Variants in CACNA2D4 observed in about 807,000 individuals in gnomAD.
The protein encoded by CACNA2D4 is calcium voltage-gated channel auxiliary subunit alpha2delta 4, also known as voltage-dependent calcium channel subunit alpha-2/delta-4.
CACNA2D4 carries 157 observed loss-of-function variants against 163.8 expected under a neutral mutation model. The ratio of observed to expected loss-of-function variants is 0.96; its 90% CI spans 0.84 to 1.09. CACNA2D4 has a LOEUF of 1.09. Ranked by LOEUF, CACNA2D4 falls within the 50% of genes least tolerant of loss-of-function variation. The pLI, the probability that CACNA2D4 is intolerant of heterozygous loss-of-function variation, is 0.00. For synonymous variants in CACNA2D4, 598 were observed against 586.9 expected (o/e 1.02, Z -0.27); for missense variants, 1,410 against 1,479.9 (o/e 0.95, Z 0.78).
rs758708819 is a variant in CACNA2D4, at chr12:1,828,246, G to T, written c.2551+12493C>A. 2.0e-6 allele frequency: 3 copies of T among 1,525,682 alleles called. No individual in the cohort carries two copies. The highest frequency in any genetic ancestry group is 2.5e-5 in the East Asian group (1 of 39,660). The allele number at this position is 1,525,682 out of a possible 1,614,324, so 94.5% of individuals were successfully genotyped here. A position where few individuals can be genotyped will look rare whatever the true frequency, so the allele number is the denominator to read the frequency against. On this transcript the variant is annotated intron_variant, in intron 26 of 37. Coordinates refer to ENST00000382722, the MANE Select transcript of CACNA2D4 (RefSeq NM_172364.5). The surrounding 1 kb of genome is among the most constrained non-coding windows in gnomAD (Gnocchi z 4.2). ...TACACCCCTGGCCTCGGAGGGGGGT[G>T]CGGGTTGGGTGGGGGTGCCGAGGTG...
intron 6 of CACNA2D4, among the ~76,000 whole-genome samples, chr12:1,896,110 G>A (rs906954557): frequency 4.6e-5 from 7 of 152,274 alleles, no homozygotes; most frequent in African/African-American, 1.7e-4. Flanking sequence ...AGACTTAAAT[G>A]TAAGTCCCCA....
In CACNA2D4 at chr12:1,833,802, G is replaced by A. The variant is rs897813968; in HGVS notation, c.2551+6937C>T. ...GGTAAGAACCCTAGAAGGATAAGAT[G>A]CTGTGTTGAGAACGGTATCCTGGGC... On this transcript the variant is annotated intron_variant, in intron 26 of 37. Coordinates refer to ENST00000382722, the MANE Select transcript of CACNA2D4 (RefSeq NM_172364.5). The surrounding 1 kb of genome is among the most constrained non-coding windows in gnomAD (Gnocchi z 4.2). Among the ~76,000 whole-genome samples the A allele has an allele frequency of 5.3e-5, 8 of 152,192 alleles. No homozygotes were observed. The highest frequency in any genetic ancestry group is 1.9e-4 in the African/African-American group (8 of 41,426).
chr12:1,797,323 C>T (rs774316394), intron 35 of CACNA2D4, 95 bp downstream of exon 35: 1 of 899,154 alleles, frequency 1.1e-6, no homozygotes, highest in Non-Finnish European at 1.8e-6. Context: ...GCTGTGGAGC[C>T]GTTTCCCGGG....
intron 6 of CACNA2D4, among the ~76,000 whole-genome samples, chr12:1,901,864 T>C (rs1314005460): frequency 1.3e-5 from 2 of 151,982 alleles, no homozygotes; most frequent in Non-Finnish European, 1.5e-5. Context: ...GCCAGCATTA[T>C]CCTGATACTG....
intron 19 of CACNA2D4, among the ~76,000 whole-genome samples, chr12:1,859,796 C>G (rs925037306): frequency 6.6e-6 from 1 of 152,196 alleles, no homozygotes; most frequent in Non-Finnish European, 1.5e-5. Flanking sequence ...TAACCGCCCT[C>G]GGGGAAATGA....
Position 1,834,756 on chromosome 12 carries a change from G to T in CACNA2D4, c.2551+5983C>A. 6.4e-7 allele frequency: 1 copy of T among 1,552,652 alleles called. No homozygotes were observed. Among genetic ancestry groups the T allele is most frequent in the South Asian group, 1.2e-5 (1 of 83,872 alleles). On this transcript the variant is annotated intron_variant, in intron 26 of 37. Coordinates refer to ENST00000382722, the MANE Select transcript of CACNA2D4 (RefSeq NM_172364.5). This position sits in a 1 kb window ranked among gnomAD's most constrained non-coding sequence, Gnocchi z 7.6. ...CCCACCCGGCCAGGTAGGAAGGGCG[G>T]GGAGAGCACACGGCATTGCTCAGCC...
At position 1,879,880 on chromosome 12, in the gene CACNA2D4, A is replaced by G; in HGVS notation, c.1487T>C (p.Leu496Pro). 1.9e-6 allele frequency: 3 copies of G among 1,593,856 alleles called. No homozygotes were observed. Among genetic ancestry groups the G allele is most frequent in the South Asian group, 2.3e-5 (2 of 87,388 alleles). ...CAGGCTCTGAGCCTGCGAGCTGAGGAGCTGTAAGGGAGGGGAGAACAGGGG... is the reference window on the plus strand; with the variant it reads ...CAGGCTCTGAGCCTGCGAGCTGAGGGGCTGTAAGGGAGGGGAGAACAGGGG... ...IWTEAYMDSK[L>P]LSSQAQSLTL... is the part of the protein sequence containing the mutation. Residue 496 changes from leucine (L) to proline (P), a missense_variant and splice_region_variant, in exon 14 of 38, where the codon CTC becomes CCC. Leu to Pro is a moderately conservative substitution (Grantham distance 98). Coordinates refer to ENST00000382722, the MANE Select transcript of CACNA2D4 (RefSeq NM_172364.5).
Position 1,834,807 on chromosome 12 carries a change from G to A in CACNA2D4, c.2551+5932C>T. On this transcript the variant is annotated intron_variant, in intron 26 of 37. Coordinates refer to ENST00000382722, the MANE Select transcript of CACNA2D4 (RefSeq NM_172364.5). The surrounding 1 kb of genome is among the most constrained non-coding windows in gnomAD (Gnocchi z 7.6). ...ACAGCTCCCACCTTGACCCGGCGCT[G>A]GCCACTGCCTCCCCGAGTCCACCCT... is the stretch of plus-strand genomic sequence containing the variant. 6.8e-7 allele frequency: 1 copy of A among 1,466,506 alleles called. No individual in the cohort carries two copies. Among genetic ancestry groups the A allele is most frequent in the Non-Finnish European group, 9.0e-7 (1 of 1,112,970 alleles). The allele number at this position is 1,466,506 out of a possible 1,614,324, so 90.8% of individuals were successfully genotyped here.
chr12:1,796,449 T>C (rs553657880), intron 35 of CACNA2D4, among the ~76,000 whole-genome samples: 1 of 152,322 alleles, frequency 6.6e-6, no homozygotes, highest in South Asian at 2.1e-4. Context: ...GGAGGCGAAG[T>C]CACTTGCCCA....
chr12:1,847,751 G>A (rs1292012779), intron 23 of CACNA2D4, among the ~76,000 whole-genome samples: 1 of 152,114 alleles, frequency 6.6e-6, no homozygotes, highest in African/African-American at 2.4e-5. Flanking sequence ...CCAACCCGGG[G>A]CTGGTCTCAA....
chr12:1,856,028 C>T lies in CACNA2D4; in HGVS notation c.2136G>A (p.Lys712=), dbSNP rs1440630380. The T allele has an allele frequency of 6.2e-7, 1 of 1,613,664 alleles. No individual in the cohort carries two copies. Among genetic ancestry groups the T allele is most frequent in the African/African-American group, 1.3e-5 (1 of 74,944 alleles). ...LEAMIRFLTR[K]DPDLECDEEL... ...AGCACTCACACTCCAGGTCTGGGTCCTTCCTGGTGAGGAAGCGGATCATGG... is the reference window on the plus strand; with the variant it reads ...AGCACTCACACTCCAGGTCTGGGTCTTTCCTGGTGAGGAAGCGGATCATGG... The change falls in exon 22 of 38, where the codon AAG becomes AAA. Residue 712 remains lysine, a synonymous_variant. Coordinates refer to ENST00000382722, the MANE Select transcript of CACNA2D4 (RefSeq NM_172364.5).
chr12:1,800,344 C>T (rs200392031), intron 32 of CACNA2D4, 42 bp downstream of exon 32: 407 of 1,605,360 alleles, frequency 2.5e-4, no homozygotes, highest in African/African-American at 1.3e-3. Flanking sequence ...AAGCCACCCT[C>T]GCATGCAGCC....
Position 1,834,753 on chromosome 12 carries a change from G to GCTCA in CACNA2D4, c.2551+5985_2551+5986insTGAG, listed in dbSNP as rs1864783068. 1.3e-6 allele frequency: 2 copies of GCTCA among 1,554,534 alleles called. No homozygotes were observed. Among genetic ancestry groups the GCTCA allele is most frequent in the Non-Finnish European group, 1.7e-6 (2 of 1,153,154 alleles). Reference sequence around the variant, plus strand: ...ATCCCCACCCGGCCAGGTAGGAAGGGCGGGGAGAGCACACGGCATTGCTCA... The same window carrying GCTCA: ...ATCCCCACCCGGCCAGGTAGGAAGGGCTCACGGGGAGAGCACACGGCATTGCTCA... On this transcript the variant is annotated intron_variant, in intron 26 of 37. Coordinates refer to ENST00000382722, the MANE Select transcript of CACNA2D4 (RefSeq NM_172364.5). The surrounding 1 kb of genome is among the most constrained non-coding windows in gnomAD (Gnocchi z 7.6).
At chr12:1,876,204 G>A (rs1865876996) in intron 16 of CACNA2D4, among the ~76,000 whole-genome samples, 2 of 152,182 alleles carry the variant, frequency 1.3e-5, no homozygotes, top group Admixed American at 6.5e-5. Context: ...CTCATTTAAT[G>A]TATTAGCCAT....
chr12:1,883,752 G>T lies in CACNA2D4; in HGVS notation c.1351+491C>A, dbSNP rs1351499230. On this transcript the variant is annotated intron_variant, in intron 12 of 37. Transcript: ENST00000382722. The surrounding 1 kb of genome is among the most constrained non-coding windows in gnomAD (Gnocchi z 4.5). ...CTCTCCACCATCAAAGCACATTTCA[G>T]GCTGCATCGTGGGTGGTGTTTTACT... Among the ~76,000 whole-genome samples, 2 of 152,166 alleles carry T rather than the reference G, an allele frequency of 1.3e-5. No individual in the cohort carries two copies. The highest frequency in any genetic ancestry group is 2.9e-5 in the Non-Finnish European group (2 of 68,032).
At chr12:1,915,324 G>T (rs979095513) in intron 1 of CACNA2D4, 1 of 696,794 alleles carries the variant, frequency 1.4e-6, no homozygotes, top group Non-Finnish European at 2.6e-6. Context: ...GGGTTGTGGG[G>T]CCGGGCTGAC....
At chr12:1,861,224 A>G (rs1865518163) in intron 18 of CACNA2D4, among the ~76,000 whole-genome samples, 1 of 152,212 alleles carries the variant, frequency 6.6e-6, no homozygotes, top group Non-Finnish European at 1.5e-5. Context: ...TCTCTAGGAA[A>G]CTGGCTTTAT....
intron 31 of CACNA2D4, chr12:1,800,778 A>C (rs1863290578): frequency 1.7e-6 from 1 of 593,784 alleles, no homozygotes; most frequent in African/African-American, 1.9e-5. Flanking sequence ...AGGCTGGGGC[A>C]GGCTGCTCTC....
chr12:1,807,617 G>A (rs894678291), intron 29 of CACNA2D4, among the ~76,000 whole-genome samples: 1 of 152,086 alleles, frequency 6.6e-6, no homozygotes, highest in African/African-American at 2.4e-5. Flanking sequence ...TCCCAGTCTA[G>A]CGCCTGCTGC....
Sources: allele counts gnomAD v4.1 joint callset (sites outside exome capture counted in the v4.1 genomes callset), GRCh38; gene constraint gnomAD v4.1.1; non-coding constraint Gnocchi (gnomAD v3.1); transcripts MANE v1.5; gene names NCBI Gene and HGNC (gene_info 2026-07-23, HGNC 2026-07-21).